The following FAM217B variants were observed in gnomAD, a reference collection of about 807,000 sequenced individuals.
FAM217B encodes the protein protein FAM217B.
For synonymous variants in FAM217B, 163 were observed against 173.0 expected, an observed-to-expected ratio of 0.94 and a Z score of 0.45; for missense variants, 463 against 456.9, an observed-to-expected ratio of 1.01 and a Z score of -0.12.
upstream of FAM217B, chr20:59,938,231 C>T (rs2060873532): frequency 6.6e-6 from 1 of 152,222 alleles, no homozygotes; most frequent in Non-Finnish European, 1.5e-5. Context: ...TGATAATGAT[C>T]AAACATGTAC....
chr20:59,939,671 G>T, upstream of FAM217B: 5 of 1,463,296 alleles, frequency 3.4e-6, no homozygotes, highest in South Asian at 1.4e-5. Flanking sequence ...CGCCCGGCGC[G>T]CCCGCGGCCT....
chr20:59,947,727 C>T lies in FAM217B; in HGVS notation c.*2632C>T, dbSNP rs908880984. On this transcript the variant is annotated 3_prime_UTR_variant, in exon 4 of 4. Coordinates refer to ENST00000360816, the MANE Select transcript of FAM217B (RefSeq NM_022106.3). ...CTAGATCATAGCTCCTAGTGAATAACATGAGGTGTTTTAAAGTTAGGTCTA... is the reference window on the plus strand; with the variant it reads ...CTAGATCATAGCTCCTAGTGAATAATATGAGGTGTTTTAAAGTTAGGTCTA... The T allele has an allele frequency of 5.4e-5, 9 of 167,114 alleles. No individual in the cohort carries two copies. In the East Asian group the frequency reaches 1.7e-3, roughly 32 times the overall value. 10.4% of individuals were successfully genotyped at this position (167,114 alleles called of 1,614,324 possible). A position where few individuals can be genotyped will look rare whatever the true frequency, so the allele number is the denominator to read the frequency against.
In FAM217B at chr20:59,944,184, T is replaced by C; in HGVS notation, c.241T>C (p.Ser81Pro). 2 of 1,614,144 alleles carry C rather than the reference T, an allele frequency of 1.2e-6. No homozygotes were observed. Among genetic ancestry groups the C allele is most frequent in the Middle Eastern group, 1.6e-4 (1 of 6,062 alleles). Reference sequence around the variant, plus strand: ...GAATAAACTGTTTCTTGATTTTCAGTCAATGAAAATTATTAAAGAGAATGC... The same window carrying C: ...GAATAAACTGTTTCTTGATTTTCAGCCAATGAAAATTATTAAAGAGAATGC... ...SGNKLFLDFQ[S>P]MKIIKENADE... The change falls in exon 4 of 4, where the codon TCA (serine) becomes CCA (proline). Residue 81 changes from serine to proline, a missense_variant. Coordinates refer to ENST00000360816, the MANE Select transcript of FAM217B (RefSeq NM_022106.3).
chr20:59,942,290 T>C lies in FAM217B; in HGVS notation c.-110T>C, dbSNP rs749501349. 1 of 152,612 alleles carries C rather than the reference T, an allele frequency of 6.6e-6. No homozygotes were observed. The highest frequency in any genetic ancestry group is 1.5e-5 in the Non-Finnish European group (1 of 68,034). The allele number at this position is 152,612 out of a possible 1,614,324, so 9.5% of individuals were successfully genotyped here. A position where few individuals can be genotyped will look rare whatever the true frequency, so the allele number is the denominator to read the frequency against. ...TCTTCCAGCAGATTGAGCAAGAATA[T>C]TTTGAGCACTACAGGAAAGGTAATG... On this transcript the variant is annotated 5_prime_UTR_variant, in exon 2 of 4. Coordinates refer to ENST00000360816, the MANE Select transcript of FAM217B (RefSeq NM_022106.3).
chr20:59,942,315 G>T lies in FAM217B; in HGVS notation c.-91+6G>T, dbSNP rs1000946289. On this transcript the variant is annotated splice_donor_region_variant and intron_variant, in intron 2 of 3. Coordinates refer to ENST00000360816, the MANE Select transcript of FAM217B (RefSeq NM_022106.3). ...TTTTGAGCACTACAGGAAAGGTAATGTAAACTTAGAAGAAAAATCTGACTT... is the reference window on the plus strand; with the variant it reads ...TTTTGAGCACTACAGGAAAGGTAATTTAAACTTAGAAGAAAAATCTGACTT... The T allele has an allele frequency of 2.0e-5, 3 of 152,564 alleles. No individual in the cohort carries two copies. Among genetic ancestry groups the T allele is most frequent in the African/African-American group, 7.2e-5 (3 of 41,446 alleles). The allele number at this position is 152,564 out of a possible 1,614,324, so 9.5% of individuals were successfully genotyped here. A position where few individuals can be genotyped will look rare whatever the true frequency, so the allele number is the denominator to read the frequency against.
At position 59,945,634 on chromosome 20, in the gene FAM217B, G is replaced by A. The variant is rs1221308697; in HGVS notation, c.*539G>A. ...CTTTAGTTCTTCCTCAAGTCAGGGA[G>A]TAGTGAGTTTGTATTTTGAGTAGTC... On this transcript the variant is annotated 3_prime_UTR_variant, in exon 4 of 4. Coordinates refer to ENST00000360816, the MANE Select transcript of FAM217B (RefSeq NM_022106.3). 2 of 167,432 alleles carry A rather than the reference G, an allele frequency of 1.2e-5. No individual in the cohort carries two copies. Among genetic ancestry groups the A allele is most frequent in the Non-Finnish European group, 2.9e-5 (2 of 68,416 alleles). The allele number at this position is 167,432 out of a possible 1,614,324, so 10.4% of individuals were successfully genotyped here.
chr20:59,942,788 G>A (rs2145950775), intron 3 of FAM217B, among the ~76,000 whole-genome samples: 1 of 152,208 alleles, frequency 6.6e-6, no homozygotes, highest in East Asian at 1.9e-4. Flanking sequence ...TAAAAGGATA[G>A]TGACAATAAT....
chr20:59,935,541 T>C (rs1321724275), upstream of FAM217B, among the ~76,000 whole-genome samples: 1 of 152,178 alleles, frequency 6.6e-6, no homozygotes, highest in Non-Finnish European at 1.5e-5. Flanking sequence ...GCTGAGTTGA[T>C]GGGATTGCTT....
upstream of FAM217B, chr20:59,939,460 C>G (rs1333089525): frequency 6.2e-7 from 1 of 1,611,890 alleles, no homozygotes; most frequent in Non-Finnish European, 8.5e-7. Context: ...GGCGGGAAAT[C>G]GGGCACCAGG....
chr20:59,943,465 T>G (rs1371770238), intron 3 of FAM217B, among the ~76,000 whole-genome samples: 1 of 152,216 alleles, frequency 6.6e-6, no homozygotes, highest in East Asian at 1.9e-4. Flanking sequence ...GTGATTAAAC[T>G]GCAAAACTTG....
At chr20:59,937,787 G>A (rs1308495216), upstream of FAM217B, 1 of 152,486 alleles carries the variant, frequency 6.6e-6, no homozygotes, top group Non-Finnish European at 1.5e-5. Flanking sequence ...CTCAGCAGGG[G>A]ACAGTGGTCT....
chr20:59,942,770 C>G (rs1047626682), intron 3 of FAM217B, among the ~76,000 whole-genome samples: 1 of 151,936 alleles, frequency 6.6e-6, no homozygotes, highest in South Asian at 2.1e-4. Flanking sequence ...TGTTAGTTTC[C>G]TTTTATATAA....
At position 59,946,902 on chromosome 20, in the gene FAM217B, TG is replaced by T. The variant is rs2060940027; in HGVS notation, c.*1808del. The T allele has an allele frequency of 6.0e-6, 1 of 167,136 alleles. No individual in the cohort carries two copies. Among genetic ancestry groups the T allele is most frequent in the Non-Finnish European group, 1.5e-5 (1 of 68,140 alleles). The allele number at this position is 167,136 out of a possible 1,614,324, so 10.4% of individuals were successfully genotyped here. On this transcript the variant is annotated 3_prime_UTR_variant, in exon 4 of 4. Coordinates refer to ENST00000360816, the MANE Select transcript of FAM217B (RefSeq NM_022106.3). ...TGTGTGTTCCTTGCCTGCCCTTTTT[TG>T]TGAGCACAGATTAGTCTGTTATCCA... is the stretch of plus-strand genomic sequence containing the variant.
upstream of FAM217B, chr20:59,936,682 T>G (rs1010511009): frequency 4.6e-5 from 7 of 152,208 alleles, no homozygotes; most frequent in African/African-American, 1.7e-4. Flanking sequence ...ATGACAAAAT[T>G]TATTTTTGCC....
In FAM217B at chr20:59,946,734, CT is replaced by C. The variant is rs773733828; in HGVS notation, c.*1644del. On this transcript the variant is annotated 3_prime_UTR_variant, in exon 4 of 4. Coordinates refer to ENST00000360816, the MANE Select transcript of FAM217B (RefSeq NM_022106.3). ...TTTTATGCTAAGATCTTACTTTAAG[CT>C]TTTTATGTGAACAAAAGATGTACAT... The C allele has an allele frequency of 6.0e-6, 1 of 167,038 alleles. No homozygotes were observed. Among genetic ancestry groups the C allele is most frequent in the Non-Finnish European group, 1.5e-5 (1 of 68,114 alleles). The allele number at this position is 167,038 out of a possible 1,614,324, so 10.3% of individuals were successfully genotyped here.
chr20:59,945,020 T>C lies in FAM217B; in HGVS notation c.1077T>C (p.Cys359=). 2 of 1,614,060 alleles carry C rather than the reference T, an allele frequency of 1.2e-6. No homozygotes were observed. The highest frequency in any genetic ancestry group is 1.7e-6 in the Non-Finnish European group (2 of 1,179,966). Residue 359 remains cysteine, a synonymous_variant, in exon 4 of 4, where the codon TGT becomes TGC. Transcript: ENST00000360816. ...HPRKKGKAES[C]GHATVSSEKK... ...GGAAAAAGGGAAAGGCAGAGAGCTG[T>C]GGTCATGCCACTGTATCGAGTGAGA... is the stretch of plus-strand genomic sequence containing the variant.
At chr20:59,939,332 G>A (rs751359121), upstream of FAM217B, 12 of 1,611,504 alleles carry the variant, frequency 7.4e-6, no homozygotes, top group Non-Finnish European at 9.3e-6. Flanking sequence ...CCTGCTTCTC[G>A]AAGGCCACGT....
upstream of FAM217B, among the ~76,000 whole-genome samples, chr20:59,936,482 A>G (rs987261138): frequency 3.3e-5 from 5 of 152,250 alleles, no homozygotes; most frequent in African/African-American, 9.6e-5. Context: ...ACGATCCGGA[A>G]GGCAGACAGA....
In FAM217B at chr20:59,941,469, T is replaced by C. The variant is rs576747805; in HGVS notation, c.-202-729T>C. ...AGTTTCAGGAAGAAAATAAAAATCT[T>C]CTATAATCATCTCTTTTATTTTACA... On this transcript the variant is annotated intron_variant, in intron 1 of 3. Coordinates refer to ENST00000360816, the MANE Select transcript of FAM217B (RefSeq NM_022106.3). Among the ~76,000 whole-genome samples the C allele has an allele frequency of 2.6e-5, 4 of 152,352 alleles. No individual in the cohort carries two copies. In the South Asian group the frequency reaches 8.3e-4, roughly 32 times the overall value.
Sources: allele counts gnomAD v4.1 joint callset (sites outside exome capture counted in the v4.1 genomes callset), GRCh38; gene constraint gnomAD v4.1.1; transcripts MANE v1.5; gene names NCBI Gene and HGNC (gene_info 2026-07-23, HGNC 2026-07-21).